Variants in SNX1 observed in about 807,000 individuals in gnomAD.
The protein encoded by SNX1 is sorting nexin-1.
In SNX1, 36 loss-of-function variants were observed where a neutral mutation model predicts 71.8. The observed-to-expected ratio is 0.50, with a 90% CI of 0.38 to 0.66. SNX1 has a LOEUF of 0.66. Ranked by LOEUF, SNX1 falls within the 30% of genes least tolerant of loss-of-function variation. The pLI, the probability that SNX1 is intolerant of heterozygous loss-of-function variation, is 0.00. For synonymous variants in SNX1, 254 were observed against 240.7 expected, an observed-to-expected ratio of 1.06 and a Z score of -0.51; for missense variants, 612 against 646.7, an observed-to-expected ratio of 0.95 and a Z score of 0.58.
rs2080900464 is a variant in SNX1, at chr15:64,096,319, G to A, written c.159+147G>A. ...TCCGGGCCCCGGGGACCCTGGATGT[G>A]CTCGAAGCGGTAGAGCTTGGCTTCC... On this transcript the variant is annotated intron_variant, in intron 1 of 14. Coordinates refer to ENST00000559844, the MANE Select transcript of SNX1 (RefSeq NM_003099.5). 3.1e-6 allele frequency: 3 copies of A among 970,542 alleles called. No individual in the cohort carries two copies. The Admixed American group carries it at 9.3e-5, about 30-fold the overall frequency. 60.1% of individuals were successfully genotyped at this position (970,542 alleles called of 1,614,324 possible).
intron 1 of SNX1, among the ~76,000 whole-genome samples, chr15:64,100,162 T>C (rs974233270): frequency 6.6e-6 from 1 of 152,260 alleles, no homozygotes; most frequent in African/African-American, 2.4e-5. Flanking sequence ...TGGGCATTGA[T>C]ACAACTGCTG....
intron 12 of SNX1, 40 bp from the exon 13 acceptor site, chr15:64,136,290 C>T: frequency 8.0e-6 from 12 of 1,492,062 alleles, no homozygotes; most frequent in Non-Finnish European, 8.4e-6. Context: ...ATAATGGTGC[C>T]ATAATATGAG....
Position 64,105,161 on chromosome 15 carries a change from C to T in SNX1, c.160-7412C>T, listed in dbSNP as rs546371584. 2.0e-4 allele frequency among the ~76,000 whole-genome samples: 29 copies of T among 145,558 alleles called. No homozygotes were observed. In the South Asian group the frequency reaches 4.5e-3, roughly 23 times the overall value. ...GAGGCATGAGAATCGCTTGAACCCG[C>T]GAAGTGGAGGTTGCACCACTGCACT... On this transcript the variant is annotated intron_variant, in intron 1 of 14. Transcript: ENST00000559844.
At chr15:64,128,848 C>CCTA (rs1442227526) in intron 8 of SNX1, among the ~76,000 whole-genome samples, 2 of 152,088 alleles carry the variant, frequency 1.3e-5, no homozygotes, top group African/African-American at 4.8e-5. Context: ...ATTCCTGGTA[C>CCTA]CTACCCACTA....
In SNX1 at chr15:64,130,283, T is replaced by C; in HGVS notation, c.977T>C (p.Leu326Pro). The C allele has an allele frequency of 6.2e-7, 1 of 1,614,136 alleles. No individual in the cohort carries two copies. ...TGTGAGGAGCAGCGCTTACGGAAAC[T>C]GCATGCTGTTGTAGAAACTCTAGTC... ...VECEEQRLRKLHAVVETLVNH... is the reference protein window; with the variant it reads ...VECEEQRLRKPHAVVETLVNH... The change falls in exon 10 of 15, where the codon CTG becomes CCG. Residue 326 changes from leucine to proline, a missense_variant. Leu to Pro is a moderately conservative substitution (Grantham distance 98). Coordinates refer to ENST00000559844, the MANE Select transcript of SNX1 (RefSeq NM_003099.5).
chr15:64,114,263 G>A (rs2081106921), intron 2 of SNX1, among the ~76,000 whole-genome samples: 1 of 152,090 alleles, frequency 6.6e-6, no homozygotes, highest in African/African-American at 2.4e-5. Context: ...AGCAAAGACT[G>A]AACATAAGGT....
At chr15:64,117,672 G>T (rs117869048) in intron 2 of SNX1, among the ~76,000 whole-genome samples, 12 of 152,318 alleles carry the variant, frequency 7.9e-5, no homozygotes, top group Non-Finnish European at 1.8e-4. Context: ...TGCACCTGTA[G>T]TACCACCTAT....
At chr15:64,113,531 G>T (rs2081098804) in intron 2 of SNX1, among the ~76,000 whole-genome samples, 1 of 152,132 alleles carries the variant, frequency 6.6e-6, no homozygotes, top group African/African-American at 2.4e-5. Flanking sequence ...TGTCTAAAGT[G>T]ATCTTGGGCC....
At chr15:64,127,037 C>T (rs2081261096) in intron 6 of SNX1, 137 bp from the exon 7 acceptor site, 1 of 652,980 alleles carries the variant, frequency 1.5e-6, no homozygotes, top group Non-Finnish European at 2.7e-6. Context: ...TTTGTTCATC[C>T]CTGCATATAA....
At chr15:64,119,676 A>T (rs905674599) in intron 4 of SNX1, among the ~76,000 whole-genome samples, 1 of 151,356 alleles carries the variant, frequency 6.6e-6, no homozygotes, top group African/African-American at 2.4e-5. Flanking sequence ...GTGAGCTGAG[A>T]TCATGCCACT....
At chr15:64,127,348 T>A (rs1483273610) in intron 7 of SNX1, 96 bp downstream of exon 7, 3 of 940,766 alleles carry the variant, frequency 3.2e-6, no homozygotes, top group Admixed American at 2.6e-5. Context: ...GAGTTAGAGA[T>A]GAAACGTGAA....
intron 1 of SNX1, among the ~76,000 whole-genome samples, chr15:64,104,272 G>GT (rs34006143): frequency 0.7 from 85,987 of 123,306 alleles, 30,279 homozygotes; most frequent in East Asian, 0.78. Flanking sequence ...GGAGTAAAGG[G>GT]TTTTTTTTTT....
rs780484362 is a variant in SNX1, at chr15:64,096,101, G to C, written c.88G>C (p.Gly30Arg). Residue 30 changes from glycine (G) to arginine (R), a missense_variant, in exon 1 of 15, where the codon GGG (glycine) becomes CGG (arginine). Around this residue, in one of 2 missense-constraint regions of SNX1, gnomAD observed 316 missense variants for 284.9 expected, o/e 1.11. Coordinates refer to ENST00000559844, the MANE Select transcript of SNX1 (RefSeq NM_003099.5). Reference sequence around the variant, plus strand: ...GGAGCCGGAGTCCGAGGGGGCGGCCGGGGGATCAGAACCCGAGGCTGGGGA... The same window carrying C: ...GGAGCCGGAGTCCGAGGGGGCGGCCCGGGGATCAGAACCCGAGGCTGGGGA... Reference protein sequence around the residue: ...GLEPESEGAAGGSEPEAGDSD... With the variant: ...GLEPESEGAARGSEPEAGDSD... 1.3e-6 allele frequency: 2 copies of C among 1,564,812 alleles called. No homozygotes were observed. The highest frequency in any genetic ancestry group is 1.2e-5 in the South Asian group (1 of 85,458).
At chr15:64,120,728 G>A (rs528457790) in intron 4 of SNX1, among the ~76,000 whole-genome samples, 6 of 152,170 alleles carry the variant, frequency 3.9e-5, no homozygotes, top group Admixed American at 6.5e-5. Context: ...GTAGTCCCAC[G>A]TACTTGGGAG....
chr15:64,100,995 C>A (rs1219922530), intron 1 of SNX1, among the ~76,000 whole-genome samples: 1 of 152,098 alleles, frequency 6.6e-6, no homozygotes, highest in Non-Finnish European at 1.5e-5. Context: ...AGATGGGGGT[C>A]TCCCTGTGTT....
chr15:64,103,008 G>A (rs1237489167), intron 1 of SNX1, among the ~76,000 whole-genome samples: 1 of 151,928 alleles, frequency 6.6e-6, no homozygotes, highest in African/African-American at 2.4e-5. Flanking sequence ...CTCAAGTGAT[G>A]TGCCCTCCTT....
intron 8 of SNX1, 79 bp downstream of exon 8, chr15:64,127,885 G>T (rs142066856): frequency 1.9e-6 from 2 of 1,043,216 alleles, no homozygotes; most frequent in African/African-American, 1.6e-5. Flanking sequence ...CCAAAAATAT[G>T]TGAGCACTTA....
intron 1 of SNX1, among the ~76,000 whole-genome samples, chr15:64,105,835 C>A (rs1456261082): frequency 6.6e-6 from 1 of 152,186 alleles, no homozygotes; most frequent in Non-Finnish European, 1.5e-5. Context: ...TTTTCCCCAT[C>A]CTTCCAGCTC....
chr15:64,144,067 TA>T lies in SNX1; in HGVS notation c.*6450del, dbSNP rs2081440586. On this transcript the variant is annotated 3_prime_UTR_variant, in exon 15 of 15. Coordinates refer to ENST00000559844, the MANE Select transcript of SNX1 (RefSeq NM_003099.5). This position sits in a 1 kb window ranked among gnomAD's most constrained non-coding sequence, Gnocchi z 4.3. ...ATATTCACATTTATATAAAACTTTA[TA>T]TATGGGAAGGATGTTGATTGAATTG... is the stretch of plus-strand genomic sequence containing the variant. The T allele has an allele frequency of 6.6e-6, 1 of 151,730 alleles. No individual in the cohort carries two copies. Among genetic ancestry groups the T allele is most frequent in the African/African-American group, 2.4e-5 (1 of 40,978 alleles). 9.4% of individuals were successfully genotyped at this position (151,730 alleles called of 1,614,324 possible). A position where few individuals can be genotyped will look rare whatever the true frequency, so the allele number is the denominator to read the frequency against.
Sources: gnomAD v4.1 joint callset for allele counts (sites outside exome capture counted in the v4.1 genomes callset) on GRCh38, gnomAD v4.1.1 for gene constraint, gnomAD v4.1.1 regional missense constraint, Gnocchi (gnomAD v3.1) non-coding constraint, MANE v1.5 for transcripts, NCBI Gene and HGNC (gene_info 2026-07-23, HGNC 2026-07-21) for gene names.